Variants in NEBL observed in about 807,000 individuals in gnomAD.
NEBL encodes the protein nebulette.
Under a neutral mutation model 140.2 loss-of-function variants are expected in NEBL, and 122 were observed. That is an observed-to-expected ratio of 0.87 (90% confidence interval 0.75 to 1.01). The LOEUF is 1.01. NEBL is among the 50% of genes least tolerant of loss of function. The pLI, the probability that NEBL is intolerant of heterozygous loss-of-function variation, is 0.00. For missense variants in NEBL, 1,365 were observed against 1,231.3 expected (o/e 1.11, Z -1.62); for synonymous variants, 436 against 398.9 (o/e 1.09, Z -1.11).
chr10:21,246,990 C>T (rs571466012), intron 3 of NEBL, among the ~76,000 whole-genome samples: 4 of 152,208 alleles, frequency 2.6e-5, no homozygotes, highest in African/African-American at 9.6e-5. Flanking sequence ...TTGCTGTTCT[C>T]GTGATAGTGA....
intron 2 of NEBL, among the ~76,000 whole-genome samples, chr10:20,892,847 T>C (rs1847142626): frequency 6.6e-6 from 1 of 152,210 alleles, no homozygotes; most frequent in African/African-American, 2.4e-5. Flanking sequence ...CTGGAAAGGC[T>C]CTTCACAAGT....
At chr10:21,078,114 C>T (rs897256362) in intron 2 of NEBL, among the ~76,000 whole-genome samples, 1 of 151,802 alleles carries the variant, frequency 6.6e-6, no homozygotes, top group African/African-American at 2.4e-5. Flanking sequence ...TATGGGGGAT[C>T]GAAAATAAAA....
chr10:21,251,407 T>A (rs1199191315), intron 2 of NEBL, among the ~76,000 whole-genome samples: 1 of 152,160 alleles, frequency 6.6e-6, no homozygotes. Flanking sequence ...TTCAGTTAGG[T>A]CAATCTCTTT....
At chr10:21,020,732 G>A (rs373103270) in intron 2 of NEBL, among the ~76,000 whole-genome samples, 40 of 151,948 alleles carry the variant, frequency 2.6e-4, no homozygotes, top group African/African-American at 7.0e-4. Context: ...TTGAAATGTC[G>A]TCTCCCCGGG....
At chr10:21,180,371 G>A (rs1324120400) in intron 3 of NEBL, among the ~76,000 whole-genome samples, 4 of 152,166 alleles carry the variant, frequency 2.6e-5, no homozygotes, top group African/African-American at 9.7e-5. Flanking sequence ...AAGGGAGATG[G>A]TATGATTCCT....
rs116714054 is a variant in NEBL, at chr10:21,088,939, C to A, written c.165-68738G>T. On this transcript the variant is annotated intron_variant, in intron 2 of 6. Transcript: ENST00000417816. ...GAGGATGGGCAGTTAATGAACCACG[C>A]GAGGCAGGAAAGATTGTTTGAGGTA... 3.7e-3 allele frequency among the ~76,000 whole-genome samples: 568 copies of A among 152,160 alleles called. 5 individuals are homozygous for A. Among genetic ancestry groups the A allele is most frequent in the African/African-American group, 0.013 (545 of 41,490 alleles).
At chr10:21,198,144 C>T (rs1011420746) in intron 3 of NEBL, among the ~76,000 whole-genome samples, 13 of 152,164 alleles carry the variant, frequency 8.5e-5, no homozygotes, top group African/African-American at 3.1e-4. Context: ...CTTCACCAGC[C>T]TCCTCTGAAT....
chr10:21,161,369 G>T (rs1042468008), intron 2 of NEBL, among the ~76,000 whole-genome samples: 5 of 151,918 alleles, frequency 3.3e-5, no homozygotes, highest in African/African-American at 1.2e-4. Context: ...CTTGGCTGGG[G>T]ATGCCTAGAA....
At chr10:20,838,075 C>G (rs1841062008) in intron 13 of NEBL, among the ~76,000 whole-genome samples, 1 of 152,132 alleles carries the variant, frequency 6.6e-6, no homozygotes, top group African/African-American at 2.4e-5. Context: ...GCCCATGGAT[C>G]AAGGAAAATT....
chr10:20,994,765 A>G (rs1837599377), intron 3 of NEBL, among the ~76,000 whole-genome samples: 1 of 152,230 alleles, frequency 6.6e-6, no homozygotes, highest in Non-Finnish European at 1.5e-5. Flanking sequence ...AAAAAATGTT[A>G]TTAAGGAAAT....
intron 2 of NEBL, among the ~76,000 whole-genome samples, chr10:21,033,061 A>G (rs760758637): frequency 4.6e-5 from 7 of 152,346 alleles, no homozygotes; most frequent in Non-Finnish European, 4.4e-5. Context: ...GAGCTAGTGG[A>G]AGAGAGTCTA....
intron 3 of NEBL, among the ~76,000 whole-genome samples, chr10:20,964,685 CA>C (rs1836213317): frequency 2.0e-5 from 3 of 151,930 alleles, no homozygotes; most frequent in South Asian, 4.2e-4. Context: ...CAAACCATAT[CA>C]GGGGTGCTCT....
intron 14 of NEBL, among the ~76,000 whole-genome samples, chr10:20,834,932 A>G (rs1242826075): frequency 1.3e-5 from 2 of 152,212 alleles, no homozygotes; most frequent in African/African-American, 4.8e-5. Flanking sequence ...TTCTAAATCA[A>G]TATCCTGTAT....
At chr10:21,009,392 A>G (rs11816130) in intron 3 of NEBL, among the ~76,000 whole-genome samples, 22,951 of 152,110 alleles carry the variant, frequency 0.15, 2,683 homozygotes, top group East Asian at 0.54. Context: ...GGATTCCTGT[A>G]AATAAGAAAA....
intron 3 of NEBL, among the ~76,000 whole-genome samples, chr10:20,981,086 AG>A (rs1236130911): frequency 2.6e-5 from 4 of 151,720 alleles, no homozygotes; most frequent in Non-Finnish European, 5.9e-5. Flanking sequence ...CACTGTGCCC[AG>A]CCCCAACAAA....
At chr10:21,212,807 CCGT>C (rs1461191568) in intron 3 of NEBL, among the ~76,000 whole-genome samples, 2 of 152,186 alleles carry the variant, frequency 1.3e-5, no homozygotes, top group African/African-American at 4.8e-5. Context: ...GGCTTGACTA[CCGT>C]TCTCACTCCT....
intron 3 of NEBL, among the ~76,000 whole-genome samples, chr10:21,244,930 G>A (rs1159182476): frequency 6.6e-6 from 1 of 151,368 alleles, no homozygotes; most frequent in Non-Finnish European, 1.5e-5. Flanking sequence ...GCCAAGATGG[G>A]AGAATTGCTT....
chr10:21,057,379 G>C (rs909066639), intron 2 of NEBL, among the ~76,000 whole-genome samples: 3 of 151,632 alleles, frequency 2.0e-5, no homozygotes, highest in African/African-American at 7.3e-5. Flanking sequence ...AGGCATCAAA[G>C]GGACCTTGCA....
chr10:20,870,975 C>T (rs968765686), intron 5 of NEBL, among the ~76,000 whole-genome samples: 5 of 152,130 alleles, frequency 3.3e-5, no homozygotes, highest in South Asian at 2.1e-4. Flanking sequence ...TTATTTCTTG[C>T]GATTTGTCTT....
Sources: allele counts gnomAD v4.1 joint callset (sites outside exome capture counted in the v4.1 genomes callset), GRCh38; gene constraint gnomAD v4.1.1; transcripts MANE v1.5; gene names NCBI Gene and HGNC (gene_info 2026-07-23, HGNC 2026-07-21).